MTSS1: variants seen among roughly 807,000 people sequenced by gnomAD.
The protein encoded by MTSS1 is protein MTSS 1.
In MTSS1, 18 loss-of-function variants were observed where a neutral mutation model predicts 79.0. The observed-to-expected ratio is 0.23, with a 90% CI of 0.16 to 0.34. The LOEUF (loss-of-function observed/expected upper bound fraction) is 0.34. MTSS1 is among the 10% of genes least tolerant of loss of function. MTSS1 has a pLI of 1.00. For missense variants in MTSS1, 815 were observed against 986.2 expected, an observed-to-expected ratio of 0.83 and a Z score of 2.33; for synonymous variants, 341 against 368.6, an observed-to-expected ratio of 0.93 and a Z score of 0.86.
intron 3 of MTSS1, among the ~76,000 whole-genome samples, chr8:124,611,929 A>T (rs13270330): frequency 6.6e-6 from 1 of 152,054 alleles, no homozygotes. Flanking sequence ...CCAGAACCAA[A>T]GCTTACCCCA....
chr8:124,604,242 G>C (rs991009699), intron 3 of MTSS1, among the ~76,000 whole-genome samples: 2 of 150,802 alleles, frequency 1.3e-5, no homozygotes, highest in Admixed American at 1.3e-4. Flanking sequence ...TAAAATAAAA[G>C]CAAAAAAAAA....
intron 3 of MTSS1, among the ~76,000 whole-genome samples, chr8:124,659,763 C>T (rs796810558): frequency 2.0e-5 from 3 of 152,306 alleles, no homozygotes; most frequent in Middle Eastern, 3.4e-3. Context: ...ACACCTGGGC[C>T]GCTCCGCTCC....
chr8:124,631,812 C>T (rs954726576), intron 3 of MTSS1, among the ~76,000 whole-genome samples: 2 of 152,202 alleles, frequency 1.3e-5, no homozygotes, highest in African/African-American at 2.4e-5. Context: ...ATCACACCCA[C>T]GGCCCTCCAA....
At chr8:124,588,115 A>G (rs1474170518) in intron 5 of MTSS1, among the ~76,000 whole-genome samples, 1 of 152,212 alleles carries the variant, frequency 6.6e-6, no homozygotes, top group African/African-American at 2.4e-5. Context: ...GGAGGGGTGA[A>G]TAATTTGAAT....
At chr8:124,611,118 C>A (rs80194498) in intron 3 of MTSS1, among the ~76,000 whole-genome samples, 3,281 of 148,910 alleles carry the variant, frequency 0.022, 200 homozygotes, top group East Asian at 0.14. Context: ...CCCCCCCCCC[C>A]AGCATGTGAC....
intron 9 of MTSS1, among the ~76,000 whole-genome samples, chr8:124,564,511 T>C (rs911347866): frequency 6.6e-5 from 10 of 152,096 alleles, no homozygotes; most frequent in Admixed American, 6.6e-4. Context: ...AGGCGGCAGT[T>C]GGGGACCGAC....
chr8:124,580,552 A>G, intron 6 of MTSS1: 1 of 1,536,020 alleles, frequency 6.5e-7, no homozygotes, highest in Non-Finnish European at 8.7e-7. Flanking sequence ...TAGACTTACC[A>G]AGAGTGTCCA....
intron 3 of MTSS1, among the ~76,000 whole-genome samples, chr8:124,613,205 C>T (rs1470956089): frequency 6.6e-6 from 1 of 152,116 alleles, no homozygotes; most frequent in Non-Finnish European, 1.5e-5. Context: ...GCTGGATATC[C>T]CTGGTCACTG....
chr8:124,556,522 C>G, intron 11 of MTSS1, 117 bp from the exon 12 acceptor site: 1 of 1,172,344 alleles, frequency 8.5e-7, no homozygotes, highest in Non-Finnish European at 1.2e-6. Context: ...GAACCTCCGG[C>G]TGGGACAAGC....
intron 1 of MTSS1, among the ~76,000 whole-genome samples, chr8:124,725,385 G>T (rs1833550143): frequency 6.6e-6 from 1 of 152,008 alleles, no homozygotes; most frequent in Non-Finnish European, 1.5e-5. Flanking sequence ...TCTCCAAAGA[G>T]GAAATTGACT....
At chr8:124,558,646 C>G in intron 10 of MTSS1, 1 of 1,456,042 alleles carries the variant, frequency 6.9e-7, no homozygotes, top group South Asian at 1.4e-5. Context: ...GCTGTGAGGG[C>G]TGTCTGAGCA....
At chr8:124,717,219 T>C (rs561367370) in intron 1 of MTSS1, among the ~76,000 whole-genome samples, 10 of 152,116 alleles carry the variant, frequency 6.6e-5, no homozygotes, top group Non-Finnish European at 1.3e-4. Flanking sequence ...AGACTGGGCA[T>C]GGTGGCTCAT....
intron 3 of MTSS1, among the ~76,000 whole-genome samples, chr8:124,627,102 CT>C (rs1814843950): frequency 6.6e-6 from 1 of 152,102 alleles, no homozygotes; most frequent in South Asian, 2.1e-4. Context: ...GCTTCCAAGG[CT>C]GCCACCAGGG....
At chr8:124,703,615 G>C (rs1310541257) in intron 2 of MTSS1, among the ~76,000 whole-genome samples, 1 of 152,146 alleles carries the variant, frequency 6.6e-6, no homozygotes, top group Admixed American at 6.5e-5. Flanking sequence ...AACTCTATTT[G>C]TGGAGAGGCA....
chr8:124,650,212 G>A (rs923888624), intron 3 of MTSS1, among the ~76,000 whole-genome samples: 2 of 152,034 alleles, frequency 1.3e-5, no homozygotes, highest in Admixed American at 6.6e-5. Context: ...TGTATTTTTA[G>A]TAGAGATGGG....
chr8:124,627,689 G>GA lies in MTSS1; in HGVS notation c.209-36455_209-36454insT, dbSNP rs1161541499. ...CAGGGGTGGCGGGGGGGTCCCCCAG[G>GA]GATCACTGAAAGGGTAATGTAAGAA... On this transcript the variant is annotated intron_variant, in intron 3 of 13. Transcript: ENST00000518547. Among the ~76,000 whole-genome samples, 3 of 152,308 alleles carry GA rather than the reference G, an allele frequency of 2.0e-5. No individual in the cohort carries two copies. The East Asian group carries it at 5.8e-4, about 29-fold the overall frequency.
At chr8:124,633,784 A>G (rs1182123174) in intron 3 of MTSS1, among the ~76,000 whole-genome samples, 1 of 149,970 alleles carries the variant, frequency 6.7e-6, no homozygotes, top group East Asian at 1.9e-4. Flanking sequence ...AAAAAAAAAA[A>G]CCAACAACAA....
chr8:124,712,792 G>A (rs887912362), intron 1 of MTSS1, among the ~76,000 whole-genome samples: 1 of 145,940 alleles, frequency 6.9e-6, no homozygotes, highest in Non-Finnish European at 1.5e-5. Context: ...CCTATGAAAA[G>A]GAAGACTGAA....
At chr8:124,649,646 G>T (rs1310825615) in intron 3 of MTSS1, among the ~76,000 whole-genome samples, 1 of 152,084 alleles carries the variant, frequency 6.6e-6, no homozygotes, top group Non-Finnish European at 1.5e-5. Context: ...ACTCAAGAAA[G>T]AACACAGGAC....
Sources: allele counts gnomAD v4.1 joint callset (sites outside exome capture counted in the v4.1 genomes callset), GRCh38; gene constraint gnomAD v4.1.1; transcripts MANE v1.5; gene names NCBI Gene and HGNC (gene_info 2026-07-23, HGNC 2026-07-21).